SLCO3A1: variants seen among roughly 807,000 people sequenced by gnomAD.
SLCO3A1 encodes solute carrier organic anion transporter family member 3A1, also known as PGE1 transporter.
A neutral mutation model predicts 63.1 loss-of-function variants in SLCO3A1; 27 were observed. The ratio of observed to expected loss-of-function variants is 0.43; its 90% confidence interval spans 0.32 to 0.59. The LOEUF (loss-of-function observed/expected upper bound fraction) is 0.59, where lower values mean the gene tolerates loss of function less well. SLCO3A1 is among the 20% of genes least tolerant of loss of function. SLCO3A1 has a pLI of 0.09. For missense variants in SLCO3A1, 773 were observed against 945.8 expected (o/e 0.82, Z 2.40); for synonymous variants, 473 against 409.9 (o/e 1.15, Z -1.86).
At chr15:92,056,944 T>C (rs1197765827) in intron 2 of SLCO3A1, among the ~76,000 whole-genome samples, 9 of 152,248 alleles carry the variant, frequency 5.9e-5, no homozygotes, top group Non-Finnish European at 1.0e-4. Context: ...GTTAATTCTT[T>C]CATAATGGAA....
intron 9 of SLCO3A1, among the ~76,000 whole-genome samples, chr15:92,161,022 T>C (rs1170064895): frequency 6.6e-6 from 1 of 152,132 alleles, no homozygotes; most frequent in African/African-American, 2.4e-5. Context: ...CAGAGGGACC[T>C]TCCTTAATAC....
intron 2 of SLCO3A1, among the ~76,000 whole-genome samples, chr15:92,019,933 A>G (rs1412855010): frequency 6.6e-6 from 1 of 152,114 alleles, no homozygotes; most frequent in African/African-American, 2.4e-5. Context: ...CCTTCATGTC[A>G]GGGCAGTGAG....
Position 91,854,177 on chromosome 15 carries a change from C to T in SLCO3A1, c.180+89C>T. ...GGCCCGACGAGGGGGCCGCCCGGCGCTGGGGGCAGGCGGGCATGACCTCGG... is the reference window on the plus strand; with the variant it reads ...GGCCCGACGAGGGGGCCGCCCGGCGTTGGGGGCAGGCGGGCATGACCTCGG... On this transcript the variant is annotated intron_variant, in intron 1 of 9. Coordinates refer to ENST00000318445, the MANE Select transcript of SLCO3A1 (RefSeq NM_013272.4). This position sits in a 1 kb window ranked among gnomAD's most constrained non-coding sequence, Gnocchi z 6.4. The T allele has an allele frequency of 8.2e-7, 1 of 1,223,010 alleles. No individual in the cohort carries two copies. The highest frequency in any genetic ancestry group is 1.0e-6 in the Non-Finnish European group (1 of 952,546). The allele number at this position is 1,223,010 out of a possible 1,614,324, so 75.8% of individuals were successfully genotyped here.
intron 2 of SLCO3A1, among the ~76,000 whole-genome samples, chr15:91,958,796 AG>A (rs1459328937): frequency 1.3e-5 from 2 of 152,324 alleles, no homozygotes; most frequent in East Asian, 3.9e-4. Context: ...TGTGGTGAAA[AG>A]GGGACACTTT....
chr15:91,893,849 A>G (rs1454940385), intron 1 of SLCO3A1, among the ~76,000 whole-genome samples: 2 of 152,224 alleles, frequency 1.3e-5, no homozygotes, highest in Admixed American at 6.5e-5. Flanking sequence ...GGAACTAGCA[A>G]TCAGCAAAGA....
intron 2 of SLCO3A1, among the ~76,000 whole-genome samples, chr15:91,988,577 G>A (rs2046085364): frequency 6.6e-6 from 1 of 152,098 alleles, no homozygotes; most frequent in Admixed American, 6.6e-5. Context: ...TCAAAATCCT[G>A]TGGGTCCTTT....
At chr15:91,893,788 C>G (rs1407650223) in intron 1 of SLCO3A1, among the ~76,000 whole-genome samples, 1 of 152,220 alleles carries the variant, frequency 6.6e-6, no homozygotes, top group East Asian at 1.9e-4. Context: ...ATCTATCCAT[C>G]TATTCGACAA....
intron 1 of SLCO3A1, among the ~76,000 whole-genome samples, chr15:91,884,666 T>G (rs183646501): frequency 6.6e-6 from 1 of 152,352 alleles, no homozygotes; most frequent in Admixed American, 6.5e-5. Context: ...TTTTCTAGTA[T>G]TAAATGAGGC....
intron 7 of SLCO3A1, among the ~76,000 whole-genome samples, chr15:92,143,060 A>G (rs1213329162): frequency 1.3e-5 from 2 of 151,672 alleles, no homozygotes; most frequent in African/African-American, 2.4e-5. Flanking sequence ...TGCTACAAGT[A>G]TGTAGCCTCT....
Position 92,162,931 on chromosome 15 carries a change from C to T in SLCO3A1, c.1929C>T (p.Thr643=), listed in dbSNP as rs1286116668. The T allele has an allele frequency of 1.9e-6, 3 of 1,614,178 alleles. No individual in the cohort carries two copies. The highest frequency in any genetic ancestry group is 1.1e-5 in the South Asian group (1 of 91,084). Reference sequence around the variant, plus strand: ...CCTTCGCCTTCATCCTGTACACCACCACGTGGCAGTGCCTGAGGAAAAACT... The same window carrying T: ...CCTTCGCCTTCATCCTGTACACCACTACGTGGCAGTGCCTGAGGAAAAACT... ...LKSFAFILYT[T]TWQCLRKNYK... The change falls in exon 10 of 10, where the codon ACC becomes ACT. Residue 643 remains threonine (T), a synonymous_variant. Transcript: ENST00000318445.
intron 2 of SLCO3A1, among the ~76,000 whole-genome samples, chr15:91,957,160 T>TAATATATATACTATATAGTATATATA: frequency 8.7e-5 from 1 of 11,492 alleles, no homozygotes; most frequent in Non-Finnish European, 1.2e-4. Flanking sequence ...TATATATATA[T>TAATATATATACTATATAGTATATATA]TTTTTTTTTT....
At chr15:92,035,114 T>C (rs769735949) in intron 2 of SLCO3A1, among the ~76,000 whole-genome samples, 12 of 151,762 alleles carry the variant, frequency 7.9e-5, no homozygotes, top group Non-Finnish European at 1.8e-4. Flanking sequence ...GTTACTCCAG[T>C]GGCCCGGAAA....
At chr15:92,070,787 G>A (rs559173967) in intron 2 of SLCO3A1, among the ~76,000 whole-genome samples, 85 of 152,234 alleles carry the variant, frequency 5.6e-4, no homozygotes, top group African/African-American at 2.0e-3. Context: ...AGAGGTATCT[G>A]TGCCTTCATT....
intron 2 of SLCO3A1, among the ~76,000 whole-genome samples, chr15:92,042,521 G>C (rs1461135566): frequency 6.6e-6 from 1 of 152,078 alleles, no homozygotes; most frequent in East Asian, 1.9e-4. Context: ...GCCCTACACC[G>C]GGCACTGGGA....
chr15:92,000,175 T>C (rs2046236481), intron 2 of SLCO3A1, among the ~76,000 whole-genome samples: 1 of 152,210 alleles, frequency 6.6e-6, no homozygotes, highest in East Asian at 1.9e-4. Flanking sequence ...ATTTTATATA[T>C]GATTTTATAA....
At chr15:91,901,257 A>G (rs540962255) in intron 1 of SLCO3A1, among the ~76,000 whole-genome samples, 12 of 152,320 alleles carry the variant, frequency 7.9e-5, no homozygotes, top group African/African-American at 2.4e-4. Flanking sequence ...TTCCTCCAGT[A>G]TAGCTCCATT....
At chr15:92,128,519 G>A (rs943343492) in intron 7 of SLCO3A1, 30 bp downstream of exon 7, 1 of 1,587,958 alleles carries the variant, frequency 6.3e-7, no homozygotes, top group Non-Finnish European at 8.6e-7. Context: ...GATGGGGCAG[G>A]GGATTCAGGC....
chr15:92,021,783 G>C (rs981783458), intron 2 of SLCO3A1, among the ~76,000 whole-genome samples: 1 of 152,070 alleles, frequency 6.6e-6, no homozygotes, highest in South Asian at 2.1e-4. Context: ...TATTGTTAAC[G>C]ATGACTCTGT....
At chr15:92,127,940 G>T (rs776628813) in intron 6 of SLCO3A1, among the ~76,000 whole-genome samples, 4 of 152,146 alleles carry the variant, frequency 2.6e-5, no homozygotes, top group South Asian at 2.1e-4. Flanking sequence ...AGGACAGGGG[G>T]ATAAGCTGAG....
Sources: allele counts gnomAD v4.1 joint callset (sites outside exome capture counted in the v4.1 genomes callset), GRCh38; gene constraint gnomAD v4.1.1; non-coding constraint Gnocchi (gnomAD v3.1); transcripts MANE v1.5; gene names NCBI Gene and HGNC (gene_info 2026-07-23, HGNC 2026-07-21).